BMP1: variants seen among roughly 807,000 people sequenced by gnomAD.
The protein encoded by BMP1 is bone morphogenetic protein 1.
Under a neutral mutation model 116.8 loss-of-function variants are expected in BMP1, and 63 were observed. The observed-to-expected ratio is 0.54, with a 90% CI of 0.44 to 0.67. BMP1 has a LOEUF of 0.67. Among genes scored for constraint, BMP1 ranks in the 30% least tolerant of loss-of-function variants. BMP1 has a pLI of 0.00. For missense variants in BMP1, 1,183 were observed against 1,358.9 expected, an observed-to-expected ratio of 0.87 and a Z score of 2.04; for synonymous variants, 536 against 533.4, an observed-to-expected ratio of 1.00 and a Z score of -0.07.
intron 8 of BMP1, among the ~76,000 whole-genome samples, chr8:22,183,034 T>C (rs1360446435): frequency 6.6e-6 from 1 of 152,250 alleles, no homozygotes; most frequent in African/African-American, 2.4e-5. Context: ...TATTGAGAGT[T>C]GAGTAATTCT....
At chr8:22,210,470 A>T (rs867776620) in intron 19 of BMP1, among the ~76,000 whole-genome samples, 18 of 95,510 alleles carry the variant, frequency 1.9e-4, no homozygotes, top group South Asian at 5.3e-4. Flanking sequence ...TCTCTCTCTC[A>T]CACACATACA....
intron 8 of BMP1, among the ~76,000 whole-genome samples, chr8:22,189,410 CCT>C (rs1476486177): frequency 7.0e-6 from 1 of 143,862 alleles, no homozygotes; most frequent in Non-Finnish European, 1.5e-5. Flanking sequence ...TCAGTTGCCC[CCT>C]GAGGTCTCTA....
chr8:22,169,152 A>G (rs1336470683), intron 1 of BMP1, among the ~76,000 whole-genome samples: 4 of 148,246 alleles, frequency 2.7e-5, no homozygotes, highest in Admixed American at 6.9e-5. Context: ...GTGCCGCTGC[A>G]CTCTAGTCTG....
At chr8:22,182,029 A>G (rs942313727) in intron 8 of BMP1, among the ~76,000 whole-genome samples, 2 of 152,076 alleles carry the variant, frequency 1.3e-5, no homozygotes, top group African/African-American at 4.8e-5. Flanking sequence ...GTCTTTTCAC[A>G]CAGACTCTGG....
Position 22,211,647 on chromosome 8 carries a change from G to C in BMP1, c.2880G>C (p.Ser960=). 2 of 1,614,130 alleles carry C rather than the reference G, an allele frequency of 1.2e-6. No homozygotes were observed. Among genetic ancestry groups the C allele is most frequent in the Middle Eastern group, 1.6e-4 (1 of 6,062 alleles). ...AGDSVLVKFH[S]DDTITKKGFH... ...ATTCTGTCCTGGTGAAGTTCCACTC[G>C]GATGACACCATCACCAAAAAAGGTT... The change falls in exon 20 of 20, where the codon TCG becomes TCC. Residue 960 remains serine (S), a synonymous_variant. Transcript: ENST00000306385.
chr8:22,175,945 C>T (rs1828417662), intron 2 of BMP1, among the ~76,000 whole-genome samples, 198 bp from the exon 3 acceptor site: 1 of 152,190 alleles, frequency 6.6e-6, no homozygotes, highest in African/African-American at 2.4e-5. Flanking sequence ...TGTTGGGTGA[C>T]TGAAATTTTT....
Position 22,211,599 on chromosome 8 carries a change from TGAG to T in BMP1, c.2837_2839del (p.Glu946del), listed in dbSNP as rs777535969. The T allele has an allele frequency of 3.1e-6, 5 of 1,614,066 alleles. No individual in the cohort carries two copies. ...CCATCTCTTTTCTCTGCCAGCCTCC[TGAG>T]GAGGTGTACTCGGCGGGAGATTCTG... On this transcript the variant is annotated inframe_deletion, in exon 20 of 20. Transcript: ENST00000306385.
At chr8:22,178,058 G>A in intron 6 of BMP1, 101 bp downstream of exon 6, 1 of 986,506 alleles carries the variant, frequency 1.0e-6, no homozygotes, top group Non-Finnish European at 1.5e-6. Flanking sequence ...CAGTGACCCA[G>A]GAAAAGAGTG....
intron 8 of BMP1, among the ~76,000 whole-genome samples, chr8:22,188,181 T>G (rs1410624676): frequency 1.5e-4 from 22 of 149,442 alleles, no homozygotes; most frequent in African/African-American, 4.5e-4. Flanking sequence ...TTTTGGGTTT[T>G]TTTTTTTTTT....
intron 13 of BMP1, 173 bp from the exon 14 acceptor site, chr8:22,196,507 C>A: frequency 3.3e-6 from 3 of 911,232 alleles, no homozygotes; most frequent in Admixed American, 2.2e-5. Flanking sequence ...CCTGAGGACA[C>A]CCAGGCCACC....
In BMP1 at chr8:22,179,368, C is replaced by A. The variant is rs113803211; in HGVS notation, c.837-337C>A. On this transcript the variant is annotated intron_variant, in intron 6 of 19. Coordinates refer to ENST00000306385, the MANE Select transcript of BMP1 (RefSeq NM_006129.5). The surrounding 1 kb of genome is among the most constrained non-coding windows in gnomAD (Gnocchi z 4.6). Reference sequence around the variant, plus strand: ...CCAGTGGGGCTGGAGAGAGATGACCCGCTAGGGGCCTGTAGCTTTCCTGGG... The same window carrying A: ...CCAGTGGGGCTGGAGAGAGATGACCAGCTAGGGGCCTGTAGCTTTCCTGGG... 6.6e-6 allele frequency among the ~76,000 whole-genome samples: 1 copy of A among 152,156 alleles called. No individual in the cohort carries two copies. The highest frequency in any genetic ancestry group is 1.5e-5 in the Non-Finnish European group (1 of 68,016).
intron 14 of BMP1, 82 bp downstream of exon 14, chr8:22,196,922 G>C (rs2131887826): frequency 6.7e-7 from 1 of 1,481,736 alleles, no homozygotes; most frequent in South Asian, 1.3e-5. Context: ...CCTGTCCTCT[G>C]AGAGGGGGCC....
chr8:22,201,417 G>A, intron 15 of BMP1: 11 of 1,428,302 alleles, frequency 7.7e-6, no homozygotes, highest in Non-Finnish European at 1.0e-5. Context: ...CATTTTGATG[G>A]TGTCTGTGAC....
At chr8:22,203,173 A>C (rs1027379489) in intron 16 of BMP1, among the ~76,000 whole-genome samples, 1 of 152,064 alleles carries the variant, frequency 6.6e-6, no homozygotes, top group Non-Finnish European at 1.5e-5. Context: ...GCAGCACAAC[A>C]CAGACTTGCC....
chr8:22,165,834 C>T (rs1418813914), intron 1 of BMP1, among the ~76,000 whole-genome samples: 1 of 150,562 alleles, frequency 6.6e-6, no homozygotes, highest in East Asian at 2.0e-4. Flanking sequence ...GCGGGCAAGG[C>T]GGCTTTTCCT....
chr8:22,167,354 C>G (rs1175244565), intron 1 of BMP1, among the ~76,000 whole-genome samples: 1 of 152,188 alleles, frequency 6.6e-6, no homozygotes, highest in African/African-American at 2.4e-5. Flanking sequence ...CCAAGCCACA[C>G]TGAGTGCCAC....
intron 8 of BMP1, among the ~76,000 whole-genome samples, chr8:22,189,454 A>ACACACACG (rs1828869149): frequency 6.8e-6 from 1 of 147,432 alleles, no homozygotes; most frequent in African/African-American, 2.5e-5. Context: ...ACACACACAC[A>ACACACACG]CACACACATA....
chr8:22,185,815 T>A (rs1434496613), intron 8 of BMP1, among the ~76,000 whole-genome samples: 1 of 149,858 alleles, frequency 6.7e-6, no homozygotes, highest in African/African-American at 2.5e-5. Context: ...AGAGACAGGG[T>A]TTCACTGTCT....
At chr8:22,197,102 C>A (rs547124991) in intron 14 of BMP1, 138 bp from the exon 15 acceptor site, 1 of 1,181,348 alleles carries the variant, frequency 8.5e-7, no homozygotes, top group Non-Finnish European at 1.2e-6. Context: ...GCTGGCTTGG[C>A]GAGTACAGGA....
Sources: gnomAD v4.1 joint callset for allele counts (sites outside exome capture counted in the v4.1 genomes callset) on GRCh38, gnomAD v4.1.1 for gene constraint, Gnocchi (gnomAD v3.1) non-coding constraint, MANE v1.5 for transcripts, NCBI Gene and HGNC (gene_info 2026-07-23, HGNC 2026-07-21) for gene names.